FAM135B: variants seen among roughly 807,000 people sequenced by gnomAD.
The protein encoded by FAM135B is protein FAM135B.
A neutral mutation model predicts 127.7 loss-of-function variants in FAM135B; 43 were observed. That is an observed-to-expected ratio of 0.34 (90% CI 0.26 to 0.43). FAM135B has a LOEUF of 0.43. Among genes scored for constraint, FAM135B ranks in the 20% least tolerant of loss-of-function variants. The pLI is 1.00. For synonymous variants in FAM135B, 670 were observed against 665.1 expected, an observed-to-expected ratio of 1.01 and a Z score of -0.11; for missense variants, 1,558 against 1,725.6, an observed-to-expected ratio of 0.90 and a Z score of 1.72.
At chr8:138,407,257 A>C (rs1649126385) in intron 1 of FAM135B, among the ~76,000 whole-genome samples, 2 of 151,512 alleles carry the variant, frequency 1.3e-5, no homozygotes, top group East Asian at 3.8e-4. Flanking sequence ...GAAATAAAAG[A>C]GGACACAAAC....
At chr8:138,275,796 C>T (rs1189167261) in intron 3 of FAM135B, among the ~76,000 whole-genome samples, 2 of 152,094 alleles carry the variant, frequency 1.3e-5, no homozygotes. Context: ...GTTAATTGGC[C>T]CTAAATGATG....
rs117003029 is a variant in FAM135B, at chr8:138,169,905, G to A, written c.1104-1856C>T. Reference sequence around the variant, plus strand: ...GCAGCTTCTTGAGCACAGGGCTTTCGTGAATGTGACCAAGTACCTAAAGCA... The same window carrying A: ...GCAGCTTCTTGAGCACAGGGCTTTCATGAATGTGACCAAGTACCTAAAGCA... On this transcript the variant is annotated intron_variant, in intron 11 of 19. Coordinates refer to ENST00000395297, the MANE Select transcript of FAM135B (RefSeq NM_015912.4). 9.3e-3 allele frequency among the ~76,000 whole-genome samples: 1,409 copies of A among 152,296 alleles called. 13 individuals carry two copies. Among genetic ancestry groups the A allele is most frequent in the Non-Finnish European group, 0.014 (963 of 68,024 alleles).
rs575285546 is a variant in FAM135B, at chr8:138,243,900, T to C, written c.543-832A>G. ...TTGTCATATTGTGGATACTATATTC[T>C]AGGCATGTTTTAGTCCCTCAGTAAA... On this transcript the variant is annotated intron_variant, in intron 6 of 19. Coordinates refer to ENST00000395297, the MANE Select transcript of FAM135B (RefSeq NM_015912.4). This position sits in a 1 kb window ranked among gnomAD's most constrained non-coding sequence, Gnocchi z 7.5. 3.9e-5 allele frequency among the ~76,000 whole-genome samples: 6 copies of C among 152,298 alleles called. No individual in the cohort carries two copies. The highest frequency in any genetic ancestry group is 1.3e-4 in the Admixed American group (2 of 15,290).
intron 2 of FAM135B, among the ~76,000 whole-genome samples, chr8:138,314,810 G>T (rs1459296239): frequency 6.7e-6 from 1 of 149,978 alleles, no homozygotes; most frequent in Non-Finnish European, 1.5e-5. Context: ...AGAACAGGAG[G>T]TTGAAGAGGA....
At chr8:138,224,043 G>C (rs779945916) in intron 7 of FAM135B, among the ~76,000 whole-genome samples, 4 of 151,924 alleles carry the variant, frequency 2.6e-5, no homozygotes, top group Admixed American at 6.6e-5. Flanking sequence ...GGACGGGGGT[G>C]GGGGGCAAGG....
chr8:138,359,437 T>C (rs1198073674), intron 2 of FAM135B, among the ~76,000 whole-genome samples: 1 of 152,178 alleles, frequency 6.6e-6, no homozygotes, highest in Admixed American at 6.6e-5. Flanking sequence ...CCATTCATCA[T>C]GGTGGACACT....
chr8:138,283,676 G>A (rs1586962965), intron 3 of FAM135B, among the ~76,000 whole-genome samples: 1 of 152,068 alleles, frequency 6.6e-6, no homozygotes, highest in Non-Finnish European at 1.5e-5. Context: ...GATAATGGGG[G>A]AGGCCTTAGT....
chr8:138,143,680 T>A (rs1817410904), intron 15 of FAM135B, among the ~76,000 whole-genome samples: 1 of 152,192 alleles, frequency 6.6e-6, no homozygotes. Context: ...ACAAGGAAGA[T>A]ATATTAGATT....
At position 138,315,147 on chromosome 8, in the gene FAM135B, AAGGACAAAGGACCTG is replaced by A. The variant is rs1170971345; in HGVS notation, c.78-4242_78-4228del. 1.1e-4 allele frequency among the ~76,000 whole-genome samples: 16 copies of A among 152,272 alleles called. No homozygotes were observed. In the East Asian group the frequency reaches 2.3e-3, roughly 22 times the overall value. On this transcript the variant is annotated intron_variant, in intron 2 of 19. Coordinates refer to ENST00000395297, the MANE Select transcript of FAM135B (RefSeq NM_015912.4). ...TAATAATAATAATAATCCAATTTAAAAGGACAAAGGACCTGAATACACATTTTTCCAAAGAAAACA... is the reference window on the plus strand; with the variant it reads ...TAATAATAATAATAATCCAATTTAAAAATACACATTTTTCCAAAGAAAACA...
intron 3 of FAM135B, among the ~76,000 whole-genome samples, chr8:138,281,770 T>C (rs1824284417): frequency 6.6e-6 from 1 of 152,180 alleles, no homozygotes; most frequent in African/African-American, 2.4e-5. Context: ...TCATGGCACA[T>C]ATTACTGTTT....
chr8:138,286,536 G>A (rs1824701477), intron 3 of FAM135B, among the ~76,000 whole-genome samples: 1 of 152,146 alleles, frequency 6.6e-6, no homozygotes, highest in African/African-American at 2.4e-5. Flanking sequence ...CAGAGGCACA[G>A]GGATATTTCA....
chr8:138,287,850 C>T (rs987352454), intron 3 of FAM135B, among the ~76,000 whole-genome samples: 10 of 152,192 alleles, frequency 6.6e-5, no homozygotes, highest in East Asian at 3.9e-4. Context: ...AAAATCTACA[C>T]GTTACCTATT....
At chr8:138,414,115 A>AATAAATATATATATATATAT (rs1203347529) in intron 1 of FAM135B, among the ~76,000 whole-genome samples, 2 of 83,250 alleles carry the variant, frequency 2.4e-5, no homozygotes, top group African/African-American at 5.6e-5. Flanking sequence ...TTCACACACA[A>AATAAATATATATATATATAT]ATACATATAT....
intron 1 of FAM135B, among the ~76,000 whole-genome samples, chr8:138,403,326 C>A (rs1237866254): frequency 6.6e-6 from 1 of 151,960 alleles, no homozygotes; most frequent in Admixed American, 6.6e-5. Context: ...GTGAGAGAAC[C>A]AGCCCTGCAG....
chr8:138,480,773 CTATT>C (rs1814743203), intron 1 of FAM135B, among the ~76,000 whole-genome samples: 1 of 152,196 alleles, frequency 6.6e-6, no homozygotes, highest in Non-Finnish European at 1.5e-5. Flanking sequence ...GAGTCCGTCT[CTATT>C]TAACAAGTTA....
At position 138,256,691 on chromosome 8, in the gene FAM135B, C is replaced by T. The variant is rs1287261497; in HGVS notation, c.366G>A (p.Gln122=). The change falls in exon 5 of 20, where the codon CAG becomes CAA. Residue 122 remains glutamine, a splice_region_variant and synonymous_variant. Transcript: ENST00000395297. ...TCAATAATTTCCATGACACTCACTG[C>T]TGTTCACTGTCCGTAAAGTGCAGAT... The part of the protein sequence containing the change: ...KVDLHFTDSE[Q]QLRDVAGAPM... The T allele has an allele frequency of 6.2e-7, 1 of 1,613,348 alleles. No individual in the cohort carries two copies. Among genetic ancestry groups the T allele is most frequent in the Non-Finnish European group, 8.5e-7 (1 of 1,179,342 alleles).
chr8:138,135,503 A>C (rs1242842652), intron 19 of FAM135B, among the ~76,000 whole-genome samples: 1 of 152,226 alleles, frequency 6.6e-6, no homozygotes, highest in East Asian at 1.9e-4. Flanking sequence ...AATTATAAGC[A>C]AATATCTTTA....
At chr8:138,229,289 CTGGGCGTGGCAT>C (rs1281551881) in intron 7 of FAM135B, among the ~76,000 whole-genome samples, 1 of 152,162 alleles carries the variant, frequency 6.6e-6, no homozygotes, top group Admixed American at 6.5e-5. Flanking sequence ...CCAAGTGTGT[CTGGGCGTGGCAT>C]TGGACACCTT....
At chr8:138,267,953 G>A (rs559873539) in intron 3 of FAM135B, among the ~76,000 whole-genome samples, 5 of 152,344 alleles carry the variant, frequency 3.3e-5, no homozygotes, top group Middle Eastern at 3.4e-3. Context: ...CTCTATCACT[G>A]TCTAGGCCCC....
Sources: gnomAD v4.1 joint callset for allele counts (sites outside exome capture counted in the v4.1 genomes callset) on GRCh38, gnomAD v4.1.1 for gene constraint, Gnocchi (gnomAD v3.1) non-coding constraint, MANE v1.5 for transcripts, NCBI Gene and HGNC (gene_info 2026-07-23, HGNC 2026-07-21) for gene names.